The following TTLL11 variants were observed in gnomAD, a reference collection of about 807,000 sequenced individuals.
The protein encoded by TTLL11 is tubulin tyrosine ligase like 11.
In TTLL11, 42 loss-of-function variants were observed where a neutral mutation model predicts 51.7. The ratio of observed to expected loss-of-function variants is 0.81; its 90% CI spans 0.64 to 1.05. The LOEUF (loss-of-function observed/expected upper bound fraction) is 1.05. TTLL11 is among the 50% of genes least tolerant of loss of function. The probability of loss-of-function intolerance (pLI) is 0.00; values close to 1 mark genes in which losing one functional copy is unlikely to be tolerated. For synonymous variants in TTLL11, 381 were observed against 383.5 expected (o/e 0.99, Z 0.08); for missense variants, 799 against 940.4 (o/e 0.85, Z 1.97).
chr9:122,051,555 C>T (rs1048229041), intron 1 of TTLL11, among the ~76,000 whole-genome samples: 1 of 152,178 alleles, frequency 6.6e-6, no homozygotes, highest in Non-Finnish European at 1.5e-5. Flanking sequence ...CAAAACCCAA[C>T]ACACCCACAG....
intron 1 of TTLL11, among the ~76,000 whole-genome samples, chr9:122,074,877 C>G (rs577393600): frequency 1.4e-4 from 21 of 151,712 alleles, no homozygotes; most frequent in African/African-American, 4.8e-4. Flanking sequence ...AGCAAGACAC[C>G]CTGGTCTCTT....
intron 8 of TTLL11, among the ~76,000 whole-genome samples, chr9:121,858,949 T>C (rs1588075112): frequency 6.6e-6 from 1 of 152,208 alleles, no homozygotes; most frequent in South Asian, 2.1e-4. Flanking sequence ...GCCTCCCTTC[T>C]GTGCGTCCCT....
chr9:122,062,319 C>T (rs919977762), intron 1 of TTLL11, among the ~76,000 whole-genome samples: 1 of 152,114 alleles, frequency 6.6e-6, no homozygotes, highest in Non-Finnish European at 1.5e-5. Context: ...CTAGGAAAAG[C>T]CAAGCTTCTC....
intron 3 of TTLL11, among the ~76,000 whole-genome samples, chr9:122,001,454 G>A (rs80232224): frequency 0.027 from 3,971 of 148,260 alleles, 179 homozygotes; most frequent in African/African-American, 0.093. Flanking sequence ...ACTGAGCAAA[G>A]CCAGGTGACC....
intron 8 of TTLL11, among the ~76,000 whole-genome samples, chr9:121,840,568 G>C (rs945082547): frequency 1.3e-5 from 2 of 152,106 alleles, no homozygotes; most frequent in South Asian, 4.1e-4. Context: ...GCTACTTTTT[G>C]TATTTTTAGT....
Position 122,012,570 on chromosome 9 carries a change from G to T in TTLL11, c.693+19153C>A, listed in dbSNP as rs12000635. Among the ~76,000 whole-genome samples, 388 of 152,072 alleles carry T rather than the reference G, an allele frequency of 2.6e-3. 2 individuals are homozygous for T. Among genetic ancestry groups the T allele is most frequent in the African/African-American group, 8.9e-3 (369 of 41,460 alleles). ...GATTTAAAACATTAAATGTATTGGG[G>T]GCAAATTGAAGTTTAGAAAATTAAA... On this transcript the variant is annotated intron_variant, in intron 3 of 8. Transcript: ENST00000321582.
Position 122,039,971 on chromosome 9 carries a change from G to A in TTLL11, c.463-603C>T, listed in dbSNP as rs537899880. Among the ~76,000 whole-genome samples the A allele has an allele frequency of 1.6e-3, 239 of 151,860 alleles. 1 individual carries two copies. The highest frequency in any genetic ancestry group is 5.6e-3 in the African/African-American group (230 of 41,350). On this transcript the variant is annotated intron_variant, in intron 1 of 8. Coordinates refer to ENST00000321582, the MANE Select transcript of TTLL11 (RefSeq NM_001139442.2). ...GGGCCTAAAACAGTTCCCCAAACTC[G>A]TAAAGACTTCCTGAATTAATAAATG...
intron 8 of TTLL11, among the ~76,000 whole-genome samples, chr9:121,858,341 T>G (rs1051028880): frequency 3.9e-5 from 6 of 152,140 alleles, no homozygotes; most frequent in African/African-American, 1.4e-4. Context: ...TCGGGTGGAT[T>G]GGTGTTTGAA....
chr9:121,856,233 G>A (rs1405301228), intron 8 of TTLL11, among the ~76,000 whole-genome samples: 2 of 152,136 alleles, frequency 1.3e-5, no homozygotes, highest in Non-Finnish European at 2.9e-5. Flanking sequence ...CATCATGCCT[G>A]GTGAATTTTT....
chr9:121,879,881 C>T (rs972900924), intron 6 of TTLL11, among the ~76,000 whole-genome samples: 8 of 151,880 alleles, frequency 5.3e-5, no homozygotes, highest in African/African-American at 1.9e-4. Flanking sequence ...GGGAGGATTG[C>T]TTGAACCCGG....
At chr9:122,048,818 G>A (rs1845083777) in intron 1 of TTLL11, among the ~76,000 whole-genome samples, 1 of 151,930 alleles carries the variant, frequency 6.6e-6, no homozygotes, top group African/African-American at 2.4e-5. Flanking sequence ...TGTGGCCTCT[G>A]TCGCTACACC....
At chr9:121,953,872 G>C (rs12379136) in intron 6 of TTLL11, among the ~76,000 whole-genome samples, 3 of 151,986 alleles carry the variant, frequency 2.0e-5, no homozygotes, top group Non-Finnish European at 4.4e-5. Flanking sequence ...TGTTGCTGGA[G>C]TTCTATCAGA....
chr9:121,861,470 T>C (rs1221005170), intron 7 of TTLL11, among the ~76,000 whole-genome samples: 2 of 152,084 alleles, frequency 1.3e-5, no homozygotes, highest in Non-Finnish European at 2.9e-5. Context: ...CTCGGTGTCC[T>C]CATCTATAAA....
intron 3 of TTLL11, among the ~76,000 whole-genome samples, chr9:122,011,713 G>C (rs916616741): frequency 2.0e-5 from 3 of 152,040 alleles, no homozygotes; most frequent in African/African-American, 7.2e-5. Flanking sequence ...TTAACATCTG[G>C]GGTTGCATGG....
intron 6 of TTLL11, among the ~76,000 whole-genome samples, chr9:121,883,341 C>G (rs938490688): frequency 2.6e-5 from 4 of 152,068 alleles, no homozygotes; most frequent in Non-Finnish European, 5.9e-5. Flanking sequence ...GGGCTGGCAC[C>G]CTGGTTGGAA....
At chr9:121,994,656 G>A (rs554824736) in intron 3 of TTLL11, among the ~76,000 whole-genome samples, 1 of 152,322 alleles carries the variant, frequency 6.6e-6, no homozygotes, top group East Asian at 1.9e-4. Context: ...GGCCTAGCTA[G>A]GAAGTAAGAG....
At chr9:122,064,885 A>G (rs1343014756) in intron 1 of TTLL11, among the ~76,000 whole-genome samples, 2 of 152,098 alleles carry the variant, frequency 1.3e-5, no homozygotes, top group Non-Finnish European at 2.9e-5. Flanking sequence ...TCCAAGATTA[A>G]CCCAATTTAT....
intron 7 of TTLL11, among the ~76,000 whole-genome samples, chr9:121,868,562 C>T (rs1838248808): frequency 6.6e-6 from 1 of 152,098 alleles, no homozygotes; most frequent in African/African-American, 2.4e-5. Context: ...TTGAGCAGCC[C>T]TCTTGTGACC....
intron 8 of TTLL11, among the ~76,000 whole-genome samples, chr9:121,834,868 A>G (rs552943099): frequency 4.0e-5 from 6 of 150,926 alleles, no homozygotes; most frequent in Non-Finnish European, 8.8e-5. Context: ...GCTTCCCATC[A>G]TCTTCCCACT....
Sources: gnomAD v4.1 joint callset for allele counts (sites outside exome capture counted in the v4.1 genomes callset) on GRCh38, gnomAD v4.1.1 for gene constraint, MANE v1.5 for transcripts, NCBI Gene and HGNC (gene_info 2026-07-23, HGNC 2026-07-21) for gene names.